Variants in GAS7 observed in about 807,000 individuals in gnomAD.
GAS7 encodes growth arrest-specific protein 7.
GAS7 carries 28 observed loss-of-function variants against 71.1 expected under a neutral mutation model. The observed-to-expected ratio is 0.39, with a 90% CI of 0.29 to 0.54. The LOEUF (loss-of-function observed/expected upper bound fraction) is 0.54, where lower values mean the gene tolerates loss of function less well. Ranked by LOEUF, GAS7 falls within the 20% of genes least tolerant of loss-of-function variation. The pLI, the probability that GAS7 is intolerant of heterozygous loss-of-function variation, is 0.62. For synonymous variants in GAS7, 258 were observed against 245.8 expected (o/e 1.05, Z -0.46); for missense variants, 436 against 627.8 (o/e 0.69, Z 3.27).
At chr17:10,095,948 C>G (rs886257022) in intron 1 of GAS7, among the ~76,000 whole-genome samples, 20 of 152,134 alleles carry the variant, frequency 1.3e-4, no homozygotes, top group African/African-American at 4.8e-4. Flanking sequence ...ATCCACCTTC[C>G]TGTTCCTCCT....
intron 2 of GAS7, among the ~76,000 whole-genome samples, chr17:10,011,001 CCA>C (rs1481395279): frequency 1.3e-5 from 2 of 152,202 alleles, no homozygotes; most frequent in African/African-American, 4.8e-5. Context: ...GGCCCATAGG[CCA>C]CAGTTTGCCA....
chr17:9,917,039 C>T lies in GAS7; in HGVS notation c.*189G>A. The T allele has an allele frequency of 1.7e-6, 1 of 601,238 alleles. No individual in the cohort carries two copies. Among genetic ancestry groups the T allele is most frequent in the South Asian group, 2.0e-5 (1 of 50,908 alleles). 37.2% of individuals were successfully genotyped at this position (601,238 alleles called of 1,614,324 possible). ...GACAAGGGCAGGGCTGTGGGTCTGT[C>T]TTCTGGGCCTGGGAATATGGGGGAG... On this transcript the variant is annotated 3_prime_UTR_variant, in exon 14 of 14. Transcript: ENST00000432992.
At chr17:10,051,983 GTT>G (rs1274031999) in intron 1 of GAS7, among the ~76,000 whole-genome samples, 1 of 152,108 alleles carries the variant, frequency 6.6e-6, no homozygotes, top group Non-Finnish European at 1.5e-5. Flanking sequence ...ATATACAGTA[GTT>G]TATTTGACCC....
At chr17:9,988,590 G>C (rs534187108) in intron 2 of GAS7, among the ~76,000 whole-genome samples, 1 of 152,260 alleles carries the variant, frequency 6.6e-6, no homozygotes, top group East Asian at 1.9e-4. Context: ...AAATGGCTGA[G>C]GCAGGAGAAT....
At chr17:10,079,692 A>T (rs767105009) in intron 1 of GAS7, among the ~76,000 whole-genome samples, 1 of 152,164 alleles carries the variant, frequency 6.6e-6, no homozygotes, top group Non-Finnish European at 1.5e-5. Context: ...TCTCCCTAAA[A>T]TGTATAAAAA....
At chr17:9,953,988 C>A (rs2069122936) in intron 5 of GAS7, among the ~76,000 whole-genome samples, 1 of 152,176 alleles carries the variant, frequency 6.6e-6, no homozygotes, top group Non-Finnish European at 1.5e-5. Context: ...ATAAACCTGC[C>A]AGTGGAGTAA....
chr17:10,140,253 G>A (rs149914233), intron 1 of GAS7, among the ~76,000 whole-genome samples: 57 of 152,284 alleles, frequency 3.7e-4, no homozygotes, highest in African/African-American at 1.3e-3. Flanking sequence ...CGTGTGCCTA[G>A]GAGATCAAGA....
At chr17:10,008,468 G>T (rs1475977872) in intron 2 of GAS7, among the ~76,000 whole-genome samples, 3 of 152,196 alleles carry the variant, frequency 2.0e-5, no homozygotes, top group African/African-American at 7.2e-5. Context: ...TGTCTCTTTT[G>T]TCTTTTTACT....
In GAS7 at chr17:10,005,328, T is replaced by TACACAC. The variant is rs564932578; in HGVS notation, c.304+14443_304+14448dup. Among the ~76,000 whole-genome samples, 139 of 149,290 alleles carry TACACAC rather than the reference T, an allele frequency of 9.3e-4. 1 individual carries two copies. The highest frequency in any genetic ancestry group is 3.2e-3 in the African/African-American group (128 of 40,348). ...ACATATATACACACACATATATATA[T>TACACAC]ACACACACACACACACACATATATA... On this transcript the variant is annotated intron_variant, in intron 2 of 13. Transcript: ENST00000432992.
chr17:9,997,107 G>A (rs1443741068), intron 2 of GAS7, among the ~76,000 whole-genome samples: 1 of 152,112 alleles, frequency 6.6e-6, no homozygotes, highest in Admixed American at 6.5e-5. Context: ...GCTTCTCAAG[G>A]CAATGGTGAA....
intron 1 of GAS7, among the ~76,000 whole-genome samples, chr17:10,110,646 A>C (rs1015636626): frequency 6.6e-6 from 1 of 152,024 alleles, no homozygotes; most frequent in African/African-American, 2.4e-5. Flanking sequence ...TGATTTTTGT[A>C]TTTTTAGTAG....
chr17:10,152,792 G>C (rs72809401), intron 1 of GAS7, among the ~76,000 whole-genome samples: 16,317 of 152,172 alleles, frequency 0.11, 1,080 homozygotes, highest in East Asian at 0.33. Flanking sequence ...AGCTGAAGAT[G>C]AGCAAGAGTT....
chr17:9,928,412 G>A (rs1489732160), intron 9 of GAS7, among the ~76,000 whole-genome samples: 3 of 151,860 alleles, frequency 2.0e-5, no homozygotes, highest in Non-Finnish European at 2.9e-5. Context: ...GTGAGCCACC[G>A]TGCCCAGCCC....
At chr17:9,951,783 A>C (rs1291095538) in intron 5 of GAS7, among the ~76,000 whole-genome samples, 277 of 146,542 alleles carry the variant, frequency 1.9e-3, no homozygotes, top group African/African-American at 6.9e-3. Context: ...AAAAAAAAAA[A>C]AAACAAGAAG....
intron 1 of GAS7, among the ~76,000 whole-genome samples, chr17:10,052,245 C>T (rs1027538708): frequency 5.3e-5 from 8 of 152,180 alleles, no homozygotes; most frequent in African/African-American, 1.4e-4. Flanking sequence ...GACTCCTCTG[C>T]GGCGTCTAGG....
chr17:10,165,543 C>T (rs1320503325), intron 1 of GAS7, among the ~76,000 whole-genome samples: 2 of 152,218 alleles, frequency 1.3e-5, no homozygotes, highest in Non-Finnish European at 2.9e-5. Context: ...GCTCATTAGG[C>T]AGGCAAGCTT....
At chr17:10,178,206 C>A (rs750131044) in intron 1 of GAS7, among the ~76,000 whole-genome samples, 39 of 152,280 alleles carry the variant, frequency 2.6e-4, no homozygotes, top group Middle Eastern at 3.4e-3. Flanking sequence ...AAGCTCAGCT[C>A]CCCTGCCTCT....
chr17:10,031,309 G>A (rs112120296), intron 1 of GAS7, among the ~76,000 whole-genome samples: 1 of 152,316 alleles, frequency 6.6e-6, no homozygotes, highest in Admixed American at 6.5e-5. Context: ...GGAGTGATCT[G>A]GTTAACCAGG....
At chr17:10,093,563 A>AAAG in intron 1 of GAS7, among the ~76,000 whole-genome samples, 1 of 151,646 alleles carries the variant, frequency 6.6e-6, no homozygotes, top group East Asian at 1.9e-4. Flanking sequence ...AAAAAAAAAA[A>AAAG]AAAAAAAAAA....
Sources: allele counts gnomAD v4.1 joint callset (sites outside exome capture counted in the v4.1 genomes callset), GRCh38; gene constraint gnomAD v4.1.1; transcripts MANE v1.5; gene names NCBI Gene and HGNC (gene_info 2026-07-23, HGNC 2026-07-21).